The following PIK3C2A variants were observed in gnomAD, a reference collection of about 807,000 sequenced individuals.
PIK3C2A encodes the protein phosphatidylinositol-4-phosphate 3-kinase catalytic subunit type 2 alpha, also known as phosphatidylinositol 4-phosphate 3-kinase C2 domain-containing subunit alpha.
Under a neutral mutation model 204.5 loss-of-function variants are expected in PIK3C2A, and 97 were observed. The observed-to-expected ratio is 0.47, with a 90% CI of 0.40 to 0.56. The LOEUF is 0.56. Ranked by LOEUF, PIK3C2A falls within the 20% of genes least tolerant of loss-of-function variation. The probability of loss-of-function intolerance (pLI) is 0.00; values close to 1 mark genes in which losing one functional copy is unlikely to be tolerated. For synonymous variants in PIK3C2A, 653 were observed against 664.4 expected, an observed-to-expected ratio of 0.98 and a Z score of 0.26; for missense variants, 1,735 against 1,969.2, an observed-to-expected ratio of 0.88 and a Z score of 2.25.
intron 32 of PIK3C2A, 54 bp downstream of exon 32, chr11:17,091,280 G>T (rs2137259186): frequency 6.5e-7 from 1 of 1,527,350 alleles, no homozygotes; most frequent in South Asian, 1.2e-5. Flanking sequence ...ACTTAAAAAT[G>T]AAAATTAAAA....
At chr11:17,109,171 T>C (rs1565246361) in intron 22 of PIK3C2A, among the ~76,000 whole-genome samples, 1 of 152,240 alleles carries the variant, frequency 6.6e-6, no homozygotes, top group Admixed American at 6.5e-5. Context: ...TGCCTATGCA[T>C]AGAATTTGTG....
At chr11:17,172,721 T>C (rs1437431668) in intron 1 of PIK3C2A, among the ~76,000 whole-genome samples, 2 of 152,210 alleles carry the variant, frequency 1.3e-5, no homozygotes, top group African/African-American at 4.8e-5. Context: ...GGCGACTTCC[T>C]CCATGTGTAT....
chr11:17,091,862 T>C (rs554949000), intron 30 of PIK3C2A, 134 bp downstream of exon 30: 13 of 717,696 alleles, frequency 1.8e-5, no homozygotes, highest in Non-Finnish European at 3.2e-5. Context: ...AGAAATAGAC[T>C]GGCTTAGAAA....
In PIK3C2A at chr11:17,089,563, T is replaced by C. The variant is rs1285743451; in HGVS notation, c.*175A>G. On this transcript the variant is annotated 3_prime_UTR_variant, in exon 33 of 33. Coordinates refer to ENST00000691414, the MANE Select transcript of PIK3C2A (RefSeq NM_002645.4). Reference sequence around the variant, plus strand: ...TTCAAAAAGGTTAGTTATGTGACTGTTGGTCCAACAGATGTGTTGAAATGC... The same window carrying C: ...TTCAAAAAGGTTAGTTATGTGACTGCTGGTCCAACAGATGTGTTGAAATGC... 5.8e-6 allele frequency: 3 copies of C among 521,144 alleles called. No homozygotes were observed. In the East Asian group the frequency reaches 9.1e-5, roughly 16 times the overall value. 32.3% of individuals were successfully genotyped at this position (521,144 alleles called of 1,614,324 possible).
chr11:17,119,596 T>C (rs1335499224), intron 16 of PIK3C2A, among the ~76,000 whole-genome samples, 190 bp downstream of exon 16: 1 of 152,184 alleles, frequency 6.6e-6, no homozygotes, highest in Non-Finnish European at 1.5e-5. Flanking sequence ...TCCTTTAGGC[T>C]AGTTTTAAAG....
At chr11:17,187,340 C>T (rs1237881738) in intron 1 of PIK3C2A, among the ~76,000 whole-genome samples, 10 of 152,106 alleles carry the variant, frequency 6.6e-5, no homozygotes, top group Admixed American at 6.6e-4. Flanking sequence ...TGGAATAAAA[C>T]ACTAAATCTA....
At chr11:17,182,723 G>A (rs1851607107) in intron 1 of PIK3C2A, among the ~76,000 whole-genome samples, 1 of 152,106 alleles carries the variant, frequency 6.6e-6, no homozygotes, top group Admixed American at 6.6e-5. Flanking sequence ...ATGGGGAAAG[G>A]ATAAGACTAT....
At chr11:17,164,779 C>T (rs1003185148) in intron 2 of PIK3C2A, among the ~76,000 whole-genome samples, 2 of 152,180 alleles carry the variant, frequency 1.3e-5, no homozygotes, top group Non-Finnish European at 1.5e-5. Context: ...GTTTGAGCAA[C>T]TAGCAGCTCT....
At chr11:17,179,819 G>A (rs1443136122) in intron 1 of PIK3C2A, among the ~76,000 whole-genome samples, 1 of 151,896 alleles carries the variant, frequency 6.6e-6, no homozygotes, top group East Asian at 1.9e-4. Context: ...TGGTTATATT[G>A]CCCAGGCTGA....
chr11:17,167,360 C>T (rs769465830), intron 2 of PIK3C2A, among the ~76,000 whole-genome samples: 5 of 152,130 alleles, frequency 3.3e-5, no homozygotes, highest in Non-Finnish European at 5.9e-5. Flanking sequence ...TGGTGGCTCA[C>T]GCCTGTAATC....
intron 8 of PIK3C2A, among the ~76,000 whole-genome samples, chr11:17,143,909 C>A (rs887343094): frequency 2.0e-5 from 3 of 152,020 alleles, no homozygotes; most frequent in Admixed American, 2.0e-4. Flanking sequence ...TGAATTCCAG[C>A]CTGGGTGACA....
In PIK3C2A at chr11:17,148,715, A is replaced by C. The variant is rs1480840195; in HGVS notation, c.1400T>G (p.Val467Gly). 4 of 1,613,322 alleles carry C rather than the reference A, an allele frequency of 2.5e-6. No individual in the cohort carries two copies. The highest frequency in any genetic ancestry group is 2.2e-5 in the South Asian group (2 of 91,046). The change falls in exon 5 of 33, where the codon GTT becomes GGT. Residue 467 changes from valine (V) to glycine (G), a missense_variant. This residue lies in a region of PIK3C2A where 536 missense variants were observed against 546.7 expected (regional missense o/e 0.98). Transcript: ENST00000691414. Reference sequence around the variant, plus strand: ...ACAAACTTTTAGAACATAGCTGCCAACATCTACTTGATTCAAGTCATCATG... The same window carrying C: ...ACAAACTTTTAGAACATAGCTGCCACCATCTACTTGATTCAAGTCATCATG... ...WVHDDLNQVD[V>G]GSYVLKVCGQ...
chr11:17,101,871 G>A (rs1225057223), intron 24 of PIK3C2A, among the ~76,000 whole-genome samples: 1 of 151,766 alleles, frequency 6.6e-6, no homozygotes, highest in African/African-American at 2.4e-5. Flanking sequence ...CCAAAGTGCT[G>A]GGATTACAGG....
At position 17,187,587 on chromosome 11, in the gene PIK3C2A, A is replaced by G. The variant is rs150466558; in HGVS notation, c.-65-17781T>C. On this transcript the variant is annotated intron_variant, in intron 1 of 32. Transcript: ENST00000691414. The stretch of plus-strand genomic sequence containing the variant: ...CCCTAATATTAGTGATTTTTTAAAA[A>G]GACAGTTTTGGAGAAGTATGAAAAA... Among the ~76,000 whole-genome samples the G allele has an allele frequency of 5.4e-4, 82 of 152,280 alleles. 1 individual carries two copies. The East Asian group carries it at 0.015, about 29-fold the overall frequency.
chr11:17,188,204 G>T (rs1334907932), intron 1 of PIK3C2A, among the ~76,000 whole-genome samples: 2 of 147,442 alleles, frequency 1.4e-5, no homozygotes, highest in East Asian at 3.9e-4. Context: ...TGGGCATGGT[G>T]GTGCATGCCT....
At chr11:17,104,837 A>T (rs1288747302) in intron 23 of PIK3C2A, among the ~76,000 whole-genome samples, 1 of 151,722 alleles carries the variant, frequency 6.6e-6, no homozygotes, top group African/African-American at 2.4e-5. Context: ...CTTAACTACC[A>T]CATGATGCAG....
In PIK3C2A at chr11:17,091,991, C is replaced by A. The variant is rs1310439900; in HGVS notation, c.4642+5G>T. On this transcript the variant is annotated splice_donor_5th_base_variant and intron_variant, in intron 30 of 32. Coordinates refer to ENST00000691414, the MANE Select transcript of PIK3C2A (RefSeq NM_002645.4). ...TACCAATAAAGAGAAAAAAAATAATCTCACCTGCAGACCTAGCTATCCCTT... is the reference window on the plus strand; with the variant it reads ...TACCAATAAAGAGAAAAAAAATAATATCACCTGCAGACCTAGCTATCCCTT... 6.3e-7 allele frequency: 1 copy of A among 1,586,234 alleles called. No individual in the cohort carries two copies.
chr11:17,131,785 C>T, intron 12 of PIK3C2A, 131 bp downstream of exon 12: 1 of 760,028 alleles, frequency 1.3e-6, no homozygotes, highest in Non-Finnish European at 2.2e-6. Flanking sequence ...GAAGAGAGAT[C>T]TTAAGACATA....
chr11:17,135,292 T>A, intron 9 of PIK3C2A, 133 bp from the exon 10 acceptor site: 1 of 831,264 alleles, frequency 1.2e-6, no homozygotes, highest in Non-Finnish European at 1.9e-6. Flanking sequence ...AAACGATAAA[T>A]AAATAATGCA....
Sources: gnomAD v4.1 joint callset for allele counts (sites outside exome capture counted in the v4.1 genomes callset) on GRCh38, gnomAD v4.1.1 for gene constraint, gnomAD v4.1.1 regional missense constraint, MANE v1.5 for transcripts, NCBI Gene and HGNC (gene_info 2026-07-23, HGNC 2026-07-21) for gene names.